Variants in NELL1 observed in about 807,000 individuals in gnomAD.
The protein encoded by NELL1 is protein kinase C-binding protein NELL1.
In NELL1, 76 loss-of-function variants were observed where a neutral mutation model predicts 107.4. The ratio of observed to expected loss-of-function variants is 0.71; its 90% CI spans 0.59 to 0.86. The LOEUF is 0.86. Among genes scored for constraint, NELL1 ranks in the 40% least tolerant of loss-of-function variants. The pLI is 0.00. For synonymous variants in NELL1, 353 were observed against 341.2 expected (o/e 1.03, Z -0.38); for missense variants, 1,024 against 1,005.5 (o/e 1.02, Z -0.25).
chr11:20,755,402 A>G (rs921936463), intron 2 of NELL1, among the ~76,000 whole-genome samples: 2 of 152,188 alleles, frequency 1.3e-5, no homozygotes, highest in African/African-American at 4.8e-5. Flanking sequence ...CATGGACTGT[A>G]ACCAGAAACC....
chr11:21,091,102 T>G (rs2133688732), intron 12 of NELL1, among the ~76,000 whole-genome samples: 1 of 152,338 alleles, frequency 6.6e-6, no homozygotes, highest in Non-Finnish European at 1.5e-5. Context: ...ATGACATAGA[T>G]TTTGCCTCAG....
At chr11:21,036,171 C>T (rs577663281) in intron 12 of NELL1, among the ~76,000 whole-genome samples, 1 of 152,232 alleles carries the variant, frequency 6.6e-6, no homozygotes, top group East Asian at 1.9e-4. Context: ...AGGAATACAG[C>T]TAACCAGGGA....
chr11:20,722,578 T>G (rs2133910839), intron 2 of NELL1, among the ~76,000 whole-genome samples: 1 of 152,324 alleles, frequency 6.6e-6, no homozygotes, highest in South Asian at 2.1e-4. Flanking sequence ...CTCATTGTAG[T>G]TAGCTGAGGT....
chr11:20,824,557 C>T (rs963741375), intron 3 of NELL1, among the ~76,000 whole-genome samples: 1 of 151,180 alleles, frequency 6.6e-6, no homozygotes. Flanking sequence ...TTAGAACTTC[C>T]TAGAGAATTG....
At chr11:21,574,663 C>G (rs74694694) in intron 19 of NELL1, among the ~76,000 whole-genome samples, 1,892 of 151,824 alleles carry the variant, frequency 0.012, 38 homozygotes, top group East Asian at 0.072. Flanking sequence ...GGAATAAGTA[C>G]AGCAAACAGG....
intron 15 of NELL1, among the ~76,000 whole-genome samples, chr11:21,493,383 A>G (rs1206080171): frequency 6.6e-6 from 1 of 152,196 alleles, no homozygotes; most frequent in African/African-American, 2.4e-5. Flanking sequence ...GCATGTATAC[A>G]CTATGAAGTA....
chr11:20,976,099 T>C (rs1325256428), intron 12 of NELL1, among the ~76,000 whole-genome samples: 3 of 142,960 alleles, frequency 2.1e-5, no homozygotes, highest in African/African-American at 5.2e-5. Flanking sequence ...CATTTATATA[T>C]ACACATATCT....
chr11:21,221,329 G>A (rs1481913184), intron 13 of NELL1, among the ~76,000 whole-genome samples: 1 of 152,072 alleles, frequency 6.6e-6, no homozygotes, highest in Non-Finnish European at 1.5e-5. Flanking sequence ...CAGGGATATT[G>A]GCCTTTAATT....
At chr11:20,688,904 G>T (rs1792995) in intron 2 of NELL1, among the ~76,000 whole-genome samples, 31,429 of 151,862 alleles carry the variant, frequency 0.21, 3,531 homozygotes, top group African/African-American at 0.27. Context: ...CGAACATCTG[G>T]TGTATTTTGA....
intron 15 of NELL1, among the ~76,000 whole-genome samples, chr11:21,528,515 C>G: frequency 2.4e-5 from 1 of 42,526 alleles, no homozygotes; most frequent in African/African-American, 5.6e-5. Flanking sequence ...ATACCCACCC[C>G]CCCCCCCTTT....
intron 17 of NELL1, among the ~76,000 whole-genome samples, chr11:21,568,847 C>T (rs1012580303): frequency 7.0e-6 from 1 of 143,866 alleles, no homozygotes; most frequent in African/African-American, 2.5e-5. Context: ...TGAGGACTTG[C>T]CTGAGGCTGT....
At chr11:21,078,536 C>T (rs78503566) in intron 12 of NELL1, among the ~76,000 whole-genome samples, 3,290 of 151,972 alleles carry the variant, frequency 0.022, 79 homozygotes, top group South Asian at 0.13. Context: ...ATGGTGCAAC[C>T]GCAAGGGAAA....
chr11:21,202,417 G>A (rs1857290207), intron 13 of NELL1, among the ~76,000 whole-genome samples: 1 of 152,150 alleles, frequency 6.6e-6, no homozygotes, highest in African/African-American at 2.4e-5. Context: ...TTGCATAGAG[G>A]TGTTTATAGT....
At chr11:21,569,788 C>G (rs1005334096) in intron 17 of NELL1, among the ~76,000 whole-genome samples, 1 of 151,736 alleles carries the variant, frequency 6.6e-6, no homozygotes, top group African/African-American at 2.4e-5. Flanking sequence ...GAATCCAAGA[C>G]TGAGAGCCTC....
chr11:20,941,481 A>G (rs573489013), intron 10 of NELL1, among the ~76,000 whole-genome samples: 2 of 152,310 alleles, frequency 1.3e-5, no homozygotes, highest in South Asian at 2.1e-4. Context: ...GGGTTCCAGT[A>G]AGAGCTGGGT....
chr11:20,811,271 A>T (rs1857496402), intron 3 of NELL1, among the ~76,000 whole-genome samples: 1 of 152,058 alleles, frequency 6.6e-6, no homozygotes. Context: ...TGTTTACTCA[A>T]CACCTTTGTT....
chr11:20,971,060 A>G (rs1851490679), intron 12 of NELL1, among the ~76,000 whole-genome samples: 1 of 152,142 alleles, frequency 6.6e-6, no homozygotes, highest in East Asian at 1.9e-4. Flanking sequence ...GTCAGGCTGC[A>G]TCTGATTCTT....
chr11:20,830,907 A>AC, intron 3 of NELL1, among the ~76,000 whole-genome samples: 1 of 151,780 alleles, frequency 6.6e-6, no homozygotes, highest in African/African-American at 2.4e-5. Flanking sequence ...ACTAGGCCCC[A>AC]CCCCCCAACA....
chr11:20,700,037 G>A (rs561825849), intron 2 of NELL1, among the ~76,000 whole-genome samples: 4 of 47,928 alleles, frequency 8.3e-5, no homozygotes, highest in South Asian at 8.9e-4. Flanking sequence ...AATTAGGGAC[G>A]TAGAACTTTT....
Sources: allele counts gnomAD v4.1 joint callset (sites outside exome capture counted in the v4.1 genomes callset), GRCh38; gene constraint gnomAD v4.1.1; transcripts MANE v1.5; gene names NCBI Gene and HGNC (gene_info 2026-07-23, HGNC 2026-07-21).